Variants in SLC1A3 observed in about 807,000 individuals in gnomAD.
SLC1A3 encodes solute carrier family 1 member 3, also known as excitatory amino acid transporter 1.
SLC1A3 carries 21 observed loss-of-function variants against 48.1 expected under a neutral mutation model. The ratio of observed to expected loss-of-function variants is 0.44; its 90% CI spans 0.31 to 0.63. The LOEUF is 0.63. Among genes scored for constraint, SLC1A3 ranks in the 20% least tolerant of loss-of-function variants. The pLI, the probability that SLC1A3 is intolerant of heterozygous loss-of-function variation, is 0.08. For synonymous variants in SLC1A3, 239 were observed against 251.4 expected (o/e 0.95, Z 0.47); for missense variants, 546 against 689.0 (o/e 0.79, Z 2.32).
chr5:36,621,075 T>G lies in SLC1A3; in HGVS notation c.182-8375T>G, dbSNP rs759542788. On this transcript the variant is annotated intron_variant, in intron 2 of 9. Coordinates refer to ENST00000265113, the MANE Select transcript of SLC1A3 (RefSeq NM_004172.5). ...TGTGCACCACCACACCTGGCTAATT[T>G]TTGTATTTTTAGTAGAGAGGGGGTT... Among the ~76,000 whole-genome samples the G allele has an allele frequency of 9.2e-5, 14 of 152,108 alleles. 1 individual carries two copies. The highest frequency in any genetic ancestry group is 1.9e-4 in the Non-Finnish European group (13 of 68,004).
chr5:36,637,922 G>A (rs1213065387), intron 3 of SLC1A3, among the ~76,000 whole-genome samples: 2 of 151,202 alleles, frequency 1.3e-5, no homozygotes, highest in African/African-American at 4.9e-5. Flanking sequence ...ATGGAGCTTG[G>A]GAGTTGACAT....
intron 3 of SLC1A3, among the ~76,000 whole-genome samples, chr5:36,631,752 T>G (rs1740142311): frequency 6.6e-6 from 1 of 152,278 alleles, no homozygotes; most frequent in Admixed American, 6.5e-5. Flanking sequence ...TAGATATTTA[T>G]GATCAAATGG....
intron 3 of SLC1A3, among the ~76,000 whole-genome samples, chr5:36,645,778 G>A (rs1312241961): frequency 6.6e-6 from 1 of 152,162 alleles, no homozygotes; most frequent in African/African-American, 2.4e-5. Flanking sequence ...TGAGCATTTT[G>A]GAGTCCTGTT....
rs1432040121 is a variant in SLC1A3 at position 36,688,046 on chromosome 5, G to A, written c.*1777G>A. The A allele has an allele frequency of 6.6e-6, 1 of 152,236 alleles. No homozygotes were observed. The highest frequency in any genetic ancestry group is 1.9e-4 in the East Asian group (1 of 5,204). 9.4% of individuals were successfully genotyped at this position (152,236 alleles called of 1,614,324 possible). On this transcript the variant is annotated 3_prime_UTR_variant, in exon 10 of 10. Transcript: ENST00000265113. ...AAAGTTAACATTAGGCTGTGGTGCA[G>A]TAACCATTTAATGTCGAGGCTCTAT...
chr5:36,664,475 G>T (rs1042743481), intron 3 of SLC1A3, among the ~76,000 whole-genome samples: 25 of 151,404 alleles, frequency 1.7e-4, no homozygotes, highest in Non-Finnish European at 2.4e-4. Context: ...CCAAATGGGG[G>T]TTTATGCCAG....
At chr5:36,620,835 T>G (rs914388320) in intron 2 of SLC1A3, among the ~76,000 whole-genome samples, 20 of 151,552 alleles carry the variant, frequency 1.3e-4, no homozygotes, top group African/African-American at 4.8e-4. Context: ...TAGGAACTAT[T>G]AAAACAAATA....
chr5:36,608,374 AT>A lies in SLC1A3; in HGVS notation c.-48del. On this transcript the variant is annotated 5_prime_UTR_variant, in exon 2 of 10. Transcript: ENST00000265113. The stretch of plus-strand genomic sequence containing the variant: ...GAGGAGGTTTGGCTTTCTGTGGGTG[AT>A]TCCCAGACACTGAAGTGCAAAGAAG... 6.3e-7 allele frequency: 1 copy of A among 1,581,124 alleles called. No individual in the cohort carries two copies. The highest frequency in any genetic ancestry group is 8.7e-7 in the Non-Finnish European group (1 of 1,152,144).
intron 3 of SLC1A3, among the ~76,000 whole-genome samples, chr5:36,665,813 G>A (rs896991213): frequency 1.3e-5 from 2 of 152,158 alleles, no homozygotes; most frequent in African/African-American, 2.4e-5. Context: ...CTGTGCCACT[G>A]TCTCTTAGAT....
intron 5 of SLC1A3, among the ~76,000 whole-genome samples, chr5:36,675,622 A>C (rs1742174673): frequency 6.6e-6 from 1 of 152,214 alleles, no homozygotes; most frequent in South Asian, 2.1e-4. Context: ...AGAAAGCCTG[A>C]TCAGGATTGA....
chr5:36,654,994 A>G (rs1308240955), intron 3 of SLC1A3, among the ~76,000 whole-genome samples: 1 of 152,232 alleles, frequency 6.6e-6, no homozygotes, highest in African/African-American at 2.4e-5. Context: ...CAGTTGCAGC[A>G]TTGACTAGCT....
intron 2 of SLC1A3, among the ~76,000 whole-genome samples, chr5:36,611,431 T>C (rs1361245758): frequency 6.6e-6 from 1 of 151,606 alleles, no homozygotes; most frequent in African/African-American, 2.4e-5. Flanking sequence ...GATAAAGACA[T>C]GTGAATCCAT....
rs1208806009 is a variant in SLC1A3 at position 36,609,828 on chromosome 5, A to T, written c.181+1224A>T. Reference sequence around the variant, plus strand: ...AGGCTTGAATATATTCCTGGGTGAAATATTTCAGTCCCACATCATTGTCCT... The same window carrying T: ...AGGCTTGAATATATTCCTGGGTGAATTATTTCAGTCCCACATCATTGTCCT... On this transcript the variant is annotated intron_variant, in intron 2 of 9. Transcript: ENST00000265113. Among the ~76,000 whole-genome samples the T allele has an allele frequency of 2.6e-5, 4 of 152,286 alleles. No individual in the cohort carries two copies. The East Asian group carries it at 7.7e-4, about 29-fold the overall frequency.
intron 2 of SLC1A3, among the ~76,000 whole-genome samples, chr5:36,626,515 G>T (rs139339690): frequency 6.6e-6 from 1 of 152,174 alleles, no homozygotes; most frequent in African/African-American, 2.4e-5. Context: ...TCTAAAACTC[G>T]TGACAGCTTG....
chr5:36,668,676 C>A (rs927614321), intron 3 of SLC1A3: 1 of 152,066 alleles, frequency 6.6e-6, no homozygotes, highest in Non-Finnish European at 1.5e-5. Context: ...TCCTTCTGTG[C>A]TTTTTGGGAA....
chr5:36,626,625 A>G (rs1355561709), intron 2 of SLC1A3, among the ~76,000 whole-genome samples: 1 of 152,250 alleles, frequency 6.6e-6, no homozygotes, highest in Non-Finnish European at 1.5e-5. Flanking sequence ...ATTTAAATGA[A>G]GATCAGAAAG....
intron 9 of SLC1A3, among the ~76,000 whole-genome samples, chr5:36,685,478 G>A (rs1392247050): frequency 2.6e-5 from 4 of 152,168 alleles, no homozygotes; most frequent in African/African-American, 9.7e-5. Context: ...GTTTCACCAT[G>A]TTGGCCAGGC....
At chr5:36,668,889 T>A (rs1741872744) in intron 3 of SLC1A3, 1 of 152,206 alleles carries the variant, frequency 6.6e-6, no homozygotes, top group African/African-American at 2.4e-5. Context: ...ACCTCATCCT[T>A]TGTTTGCCAC....
At chr5:36,607,240 C>G (rs1342178473) in intron 1 of SLC1A3, 1 of 151,982 alleles carries the variant, frequency 6.6e-6, no homozygotes, top group Non-Finnish European at 1.5e-5. Context: ...GCGAGGAGTC[C>G]TTTGGTTTCC....
At chr5:36,668,790 T>C (rs889768834) in intron 3 of SLC1A3, 1 of 152,236 alleles carries the variant, frequency 6.6e-6, no homozygotes, top group South Asian at 2.1e-4. Context: ...ACCTATGAAC[T>C]TTATTTTCTA....
Sources: gnomAD v4.1 joint callset for allele counts (sites outside exome capture counted in the v4.1 genomes callset) on GRCh38, gnomAD v4.1.1 for gene constraint, MANE v1.5 for transcripts, NCBI Gene and HGNC (gene_info 2026-07-23, HGNC 2026-07-21) for gene names.